FAM167A: variants seen among roughly 807,000 people sequenced by gnomAD.
FAM167A encodes protein FAM167A.
In FAM167A, 23 loss-of-function variants were observed where a neutral mutation model predicts 14.9. The ratio of observed to expected loss-of-function variants is 1.55; its 90% confidence interval spans 1.11 to 2.19. The LOEUF (loss-of-function observed/expected upper bound fraction) is 2.19, where lower values mean the gene tolerates loss of function less well. Among genes scored for constraint, FAM167A ranks in the 30% most tolerant of loss-of-function variants. The pLI is 0.00. For missense variants in FAM167A, 401 were observed against 281.5 expected (o/e 1.42, Z -3.04); for synonymous variants, 174 against 117.7 (o/e 1.48, Z -3.10).
chr8:11,450,671 T>C lies in FAM167A; in HGVS notation c.-397-5863A>G, dbSNP rs149725609. ...CTGGACCCTCCAGTACTTAGCACAA[T>C]GCTGCTCTCTTTAAATGCTGTGGAA... On this transcript the variant is annotated intron_variant, in intron 1 of 2. Coordinates refer to ENST00000284486, the MANE Select transcript of FAM167A (RefSeq NM_053279.3). Among the ~76,000 whole-genome samples, 1,170 of 152,346 alleles carry C rather than the reference T, an allele frequency of 7.7e-3. 5 individuals are homozygous for C. Among genetic ancestry groups the C allele is most frequent in the Non-Finnish European group, 0.013 (888 of 68,024 alleles).
intron 1 of FAM167A, among the ~76,000 whole-genome samples, chr8:11,456,692 G>C (rs1043226794): frequency 6.6e-6 from 1 of 151,624 alleles, no homozygotes; most frequent in African/African-American, 2.4e-5. Flanking sequence ...TTAGTGACAT[G>C]TGCAGAGCTG....
intron 2 of FAM167A, among the ~76,000 whole-genome samples, chr8:11,427,196 T>G (rs1053048563): frequency 6.6e-6 from 1 of 152,232 alleles, no homozygotes; most frequent in Non-Finnish European, 1.5e-5. Context: ...TTTCTGCTCA[T>G]GTTTAACCTT....
chr8:11,450,773 G>C (rs1563382263), intron 1 of FAM167A, among the ~76,000 whole-genome samples: 2 of 152,224 alleles, frequency 1.3e-5, no homozygotes, highest in Non-Finnish European at 2.9e-5. Context: ...GCCTGGATGG[G>C]CTCAGAGAGG....
intron 2 of FAM167A, among the ~76,000 whole-genome samples, chr8:11,427,897 G>C (rs185099751): frequency 6.6e-6 from 1 of 152,304 alleles, no homozygotes; most frequent in Non-Finnish European, 1.5e-5. Context: ...CCAAATTAAT[G>C]ATGATAGGGT....
At chr8:11,462,986 G>A (rs545667001) in intron 1 of FAM167A, among the ~76,000 whole-genome samples, 6 of 152,342 alleles carry the variant, frequency 3.9e-5, no homozygotes, top group African/African-American at 1.4e-4. Flanking sequence ...AAGAATCCAT[G>A]AGAGCTCCAG....
intron 2 of FAM167A, among the ~76,000 whole-genome samples, chr8:11,433,766 G>A (rs1237053665): frequency 6.6e-6 from 1 of 152,192 alleles, no homozygotes; most frequent in Non-Finnish European, 1.5e-5. Flanking sequence ...CTGAAAAGAG[G>A]GTGCGTGTAA....
chr8:11,425,558 AG>A (rs753029290), intron 2 of FAM167A, among the ~76,000 whole-genome samples: 1 of 152,178 alleles, frequency 6.6e-6, no homozygotes, highest in Non-Finnish European at 1.5e-5. Context: ...TAAAATCCTA[AG>A]CCCCCCAACT....
chr8:11,439,506 G>C (rs1045755618), intron 2 of FAM167A, among the ~76,000 whole-genome samples: 1 of 152,272 alleles, frequency 6.6e-6, no homozygotes, highest in Non-Finnish European at 1.5e-5. Flanking sequence ...GGCCAGCTGA[G>C]TTTAGGTCAC....
At chr8:11,430,598 A>G (rs1299822514) in intron 2 of FAM167A, among the ~76,000 whole-genome samples, 1 of 152,222 alleles carries the variant, frequency 6.6e-6, no homozygotes, top group Non-Finnish European at 1.5e-5. Context: ...TTAAACACCA[A>G]TTAAAGAAAG....
intron 1 of FAM167A, among the ~76,000 whole-genome samples, chr8:11,459,477 T>C (rs1807451895): frequency 6.6e-6 from 1 of 152,222 alleles, no homozygotes; most frequent in Non-Finnish European, 1.5e-5. Context: ...TGTAAAATTG[T>C]TCTGGGCAGA....
At chr8:11,443,954 C>CAG in intron 2 of FAM167A, 77 bp downstream of exon 2, 2 of 1,511,852 alleles carry the variant, frequency 1.3e-6, no homozygotes, top group East Asian at 2.3e-5. Flanking sequence ...GGGAGACAGA[C>CAG]AGAGAGAGAC....
At position 11,444,646 on chromosome 8, in the gene FAM167A, C is replaced by G. The variant is rs570858625; in HGVS notation, c.-235G>C. On this transcript the variant is annotated 5_prime_UTR_variant, in exon 2 of 3. Transcript: ENST00000284486. The stretch of plus-strand genomic sequence containing the variant: ...CGGGTCTATGATCCGTCCTGGAAGC[C>G]TGTGGGTGCCATGCTCCACAGAAGG... 132 of 1,308,834 alleles carry G rather than the reference C, an allele frequency of 1.0e-4. No homozygotes were observed. The African/African-American group carries it at 1.7e-3, about 16-fold the overall frequency. 81.1% of individuals were successfully genotyped at this position (1,308,834 alleles called of 1,614,324 possible). A position where few individuals can be genotyped will look rare whatever the true frequency, so the allele number is the denominator to read the frequency against.
chr8:11,458,515 C>A (rs900780949), intron 1 of FAM167A, among the ~76,000 whole-genome samples: 1 of 152,186 alleles, frequency 6.6e-6, no homozygotes, highest in Non-Finnish European at 1.5e-5. Context: ...CTGCCCATCA[C>A]CCCTGCCCCA....
chr8:11,443,072 G>A, intron 2 of FAM167A, among the ~76,000 whole-genome samples: 1 of 152,354 alleles, frequency 6.6e-6, no homozygotes, highest in Non-Finnish European at 1.5e-5. Flanking sequence ...GCCCTTGATG[G>A]CTGGCTCACC....
chr8:11,443,440 G>C (rs375598532), intron 2 of FAM167A, among the ~76,000 whole-genome samples: 1 of 152,154 alleles, frequency 6.6e-6, no homozygotes, highest in African/African-American at 2.4e-5. Context: ...CCTCCTCACC[G>C]AGCTTCTCCC....
intron 1 of FAM167A, among the ~76,000 whole-genome samples, chr8:11,463,946 A>C (rs1290103934): frequency 1.3e-5 from 2 of 152,158 alleles, no homozygotes; most frequent in African/African-American, 4.8e-5. Context: ...TGTGCTTGCT[A>C]AGGCCACGTG....
At chr8:11,469,016 G>C (rs2736320), upstream of FAM167A, among the ~76,000 whole-genome samples, 83,649 of 152,100 alleles carry the variant, frequency 0.55, 23,992 homozygotes, top group East Asian at 0.67. Context: ...ATATGGAGTG[G>C]TCAAATAAAT....
At chr8:11,462,442 C>G (rs73533631) in intron 1 of FAM167A, among the ~76,000 whole-genome samples, 5,435 of 152,246 alleles carry the variant, frequency 0.036, 306 homozygotes, top group African/African-American at 0.12. Flanking sequence ...ACCTCTAATA[C>G]GACTGTCACC....
intron 1 of FAM167A, among the ~76,000 whole-genome samples, chr8:11,447,726 A>G (rs1324690143): frequency 2.0e-5 from 3 of 152,072 alleles, no homozygotes; most frequent in Non-Finnish European, 4.4e-5. Flanking sequence ...TACTCTGGAG[A>G]GTGTGGGCTC....
Sources: gnomAD v4.1 joint callset for allele counts (sites outside exome capture counted in the v4.1 genomes callset) on GRCh38, gnomAD v4.1.1 for gene constraint, MANE v1.5 for transcripts, NCBI Gene and HGNC (gene_info 2026-07-23, HGNC 2026-07-21) for gene names.